Variants in RBFOX1 observed in about 807,000 individuals in gnomAD.
The protein encoded by RBFOX1 is RNA binding protein fox-1 homolog 1.
A neutral mutation model predicts 57.7 loss-of-function variants in RBFOX1; 8 were observed. The observed-to-expected ratio is 0.14, with a 90% CI of 0.08 to 0.25. The LOEUF (loss-of-function observed/expected upper bound fraction) is 0.25, where lower values mean the gene tolerates loss of function less well. RBFOX1 is among the 10% of genes least tolerant of loss of function. The probability of loss-of-function intolerance (pLI) is 1.00; values close to 1 mark genes in which losing one functional copy is unlikely to be tolerated. For missense variants in RBFOX1, 611 were observed against 548.5 expected (o/e 1.11, Z -1.14); for synonymous variants, 326 against 222.4 (o/e 1.47, Z -4.15).
At chr16:5,248,913 G>C (rs1187307027) in intron 1 of RBFOX1, among the ~76,000 whole-genome samples, 1 of 150,676 alleles carries the variant, frequency 6.6e-6, no homozygotes, top group Non-Finnish European at 1.5e-5. Flanking sequence ...GCTTGAACCC[G>C]GGAGGTGGAG....
chr16:7,236,339 T>C (rs983299870), intron 4 of RBFOX1, among the ~76,000 whole-genome samples: 1 of 152,182 alleles, frequency 6.6e-6, no homozygotes, highest in Non-Finnish European at 1.5e-5. Flanking sequence ...AGATCATGTA[T>C]GCAAAAAGTA....
chr16:6,698,617 C>A (rs2154139499), intron 3 of RBFOX1, among the ~76,000 whole-genome samples: 1 of 152,286 alleles, frequency 6.6e-6, no homozygotes, highest in African/African-American at 2.4e-5. Context: ...TGCCACTTCT[C>A]CATCTGTTAT....
At chr16:6,601,082 A>G (rs1346692258) in intron 2 of RBFOX1, among the ~76,000 whole-genome samples, 1 of 152,346 alleles carries the variant, frequency 6.6e-6, no homozygotes, top group East Asian at 1.9e-4. Context: ...CAGAAATTAT[A>G]GAGTAGCAAC....
chr16:7,504,245 T>C (rs1213787135), intron 4 of RBFOX1, among the ~76,000 whole-genome samples: 2 of 151,998 alleles, frequency 1.3e-5, no homozygotes, highest in African/African-American at 4.8e-5. Context: ...TGGGTTGCAT[T>C]GATGGAAGTT....
At chr16:7,179,271 A>G (rs1007202945) in intron 4 of RBFOX1, among the ~76,000 whole-genome samples, 2 of 151,546 alleles carry the variant, frequency 1.3e-5, no homozygotes, top group Admixed American at 6.6e-5. Context: ...CCTTGCTTTC[A>G]GAGTTCATGT....
intron 3 of RBFOX1, among the ~76,000 whole-genome samples, chr16:7,048,513 C>A (rs955223949): frequency 2.0e-5 from 3 of 152,156 alleles, no homozygotes; most frequent in South Asian, 2.1e-4. Flanking sequence ...CCCGCCTCAG[C>A]CTTCCAAAGT....
chr16:5,371,444 A>G (rs1220101563), intron 1 of RBFOX1, among the ~76,000 whole-genome samples: 6 of 152,184 alleles, frequency 3.9e-5, no homozygotes, highest in Admixed American at 1.3e-4. Context: ...AGAGAAACCC[A>G]TCCTGCCAAC....
At chr16:5,712,490 CT>C (rs2151510992) in intron 3 of RBFOX1, among the ~76,000 whole-genome samples, 1 of 152,310 alleles carries the variant, frequency 6.6e-6, no homozygotes, top group African/African-American at 2.4e-5. Flanking sequence ...GAATTCTTAT[CT>C]CAAGAGCAGA....
chr16:6,706,991 T>C (rs1238958024), intron 3 of RBFOX1, among the ~76,000 whole-genome samples: 6 of 152,084 alleles, frequency 3.9e-5, no homozygotes, highest in African/African-American at 1.4e-4. Context: ...CTGACAAATG[T>C]GGAACAGCAC....
At chr16:7,253,534 C>T (rs114084667) in intron 4 of RBFOX1, among the ~76,000 whole-genome samples, 211 of 152,284 alleles carry the variant, frequency 1.4e-3, no homozygotes, top group African/African-American at 4.7e-3. Flanking sequence ...ATCTGCAAAA[C>T]ATTAAATGCA....
At position 5,456,844 on chromosome 16, in the gene RBFOX1, C is replaced by G. The variant is rs934472206; in HGVS notation, c.220-10372C>G. ...AACCCCTTTCACATGGCTCCTGAGACCCCGCCTTGCCTCAAGCCACTCCCC... is the reference window on the plus strand; with the variant it reads ...AACCCCTTTCACATGGCTCCTGAGAGCCCGCCTTGCCTCAAGCCACTCCCC... On this transcript the variant is annotated intron_variant, in intron 1 of 2. Coordinates refer to the RBFOX1 transcript ENST00000585867. 5.3e-5 allele frequency among the ~76,000 whole-genome samples: 8 copies of G among 152,200 alleles called. 1 individual carries two copies. The highest frequency in any genetic ancestry group is 1.2e-4 in the Non-Finnish European group (8 of 68,038).
intron 2 of RBFOX1, among the ~76,000 whole-genome samples, chr16:6,414,881 T>C (rs2093577285): frequency 6.6e-6 from 1 of 152,082 alleles, no homozygotes; most frequent in African/African-American, 2.4e-5. Context: ...AAGGATATAG[T>C]CAGACATCCT....
At position 7,697,070 on chromosome 16, in the gene RBFOX1, G is replaced by C. The variant is rs192061441; in HGVS notation, c.996-11986G>C. Among the ~76,000 whole-genome samples the C allele has an allele frequency of 2.0e-3, 305 of 152,264 alleles. 2 individuals carry two copies. The highest frequency in any genetic ancestry group is 7.0e-3 in the African/African-American group (292 of 41,544). On this transcript the variant is annotated intron_variant, in intron 14 of 15. Coordinates refer to ENST00000550418, the MANE Select transcript of RBFOX1 (RefSeq NM_018723.4). ...TTAACAGTGATGCAGAGGCATTGGA[G>C]GGAGGGTTGTAATCTGACTTTAATG... is the stretch of plus-strand genomic sequence containing the variant.
At chr16:6,514,822 A>G (rs940758419) in intron 2 of RBFOX1, among the ~76,000 whole-genome samples, 1 of 152,034 alleles carries the variant, frequency 6.6e-6, no homozygotes, top group Non-Finnish European at 1.5e-5. Flanking sequence ...GTGTTCATGG[A>G]TCCGCCCTCC....
intron 1 of RBFOX1, among the ~76,000 whole-genome samples, chr16:6,119,874 C>G (rs1223471822): frequency 2.6e-5 from 4 of 152,192 alleles, no homozygotes. Flanking sequence ...CTACCTCTAT[C>G]CAGTTCTAAG....
Position 5,999,895 on chromosome 16 carries a change from A to T in RBFOX1, c.351+132560A>T, listed in dbSNP as rs1215647249. On this transcript the variant is annotated intron_variant, in intron 4 of 19. Coordinates refer to the RBFOX1 transcript ENST00000641259. ...AAAAAAAAAAAAAAAAAAAAAAAAA[A>T]AAAAAAAAAAAAGAGTGAAGAAGGG... 5.4e-5 allele frequency among the ~76,000 whole-genome samples: 4 copies of T among 73,490 alleles called. No individual in the cohort carries two copies. In the Admixed American group the frequency reaches 5.5e-4, roughly 10 times the overall value. The allele number at this position is 73,490 out of a possible 152,430, so 48.2% of individuals were successfully genotyped here.
intron 1 of RBFOX1, chr16:5,365,709 G>T: frequency 2.7e-6 from 1 of 376,674 alleles, no homozygotes; most frequent in South Asian, 2.1e-5. Context: ...TCCCTGGTGT[G>T]ATTCCGTCCT....
At chr16:7,012,379 T>C (rs1045907989) in intron 3 of RBFOX1, among the ~76,000 whole-genome samples, 10 of 152,308 alleles carry the variant, frequency 6.6e-5, no homozygotes, top group Non-Finnish European at 1.3e-4. Context: ...ACCTTTTGTC[T>C]ATGAAAGTAC....
chr16:6,902,647 A>G lies in RBFOX1; in HGVS notation c.-15-149410A>G, dbSNP rs535958257. On this transcript the variant is annotated intron_variant, in intron 3 of 15. Coordinates refer to ENST00000550418, the MANE Select transcript of RBFOX1 (RefSeq NM_018723.4). ...TCAGAAAGGAGAATTGCTTGAACCCAGGAGGCAGAGGCTGTAGTGAGCTGA... is the reference window on the plus strand; with the variant it reads ...TCAGAAAGGAGAATTGCTTGAACCCGGGAGGCAGAGGCTGTAGTGAGCTGA... Among the ~76,000 whole-genome samples the G allele has an allele frequency of 3.9e-5, 6 of 152,260 alleles. No individual in the cohort carries two copies. The East Asian group carries it at 1.2e-3, about 29-fold the overall frequency.
Sources: allele counts gnomAD v4.1 joint callset (sites outside exome capture counted in the v4.1 genomes callset), GRCh38; gene constraint gnomAD v4.1.1; transcripts MANE v1.5; gene names NCBI Gene and HGNC (gene_info 2026-07-23, HGNC 2026-07-21).